Variants in IL1RL1 observed in about 807,000 individuals in gnomAD.
The protein encoded by IL1RL1 is interleukin 1 receptor like 1.
In IL1RL1, 32 loss-of-function variants were observed where a neutral mutation model predicts 50.9. The ratio of observed to expected loss-of-function variants is 0.63; its 90% CI spans 0.47 to 0.84. The LOEUF (loss-of-function observed/expected upper bound fraction) is 0.84, where lower values mean the gene tolerates loss of function less well. Among genes scored for constraint, IL1RL1 ranks in the 40% least tolerant of loss-of-function variants. IL1RL1 has a pLI of 0.00. For missense variants in IL1RL1, 773 were observed against 662.9 expected, an observed-to-expected ratio of 1.17 and a Z score of -1.82; for synonymous variants, 275 against 236.0, an observed-to-expected ratio of 1.17 and a Z score of -1.51.
At chr2:102,321,760 A>G (rs1676844877) in intron 1 of IL1RL1, among the ~76,000 whole-genome samples, 1 of 152,228 alleles carries the variant, frequency 6.6e-6, no homozygotes, top group Non-Finnish European at 1.5e-5. Flanking sequence ...ATTGTAGAAA[A>G]CACAAGTGAA....
chr2:102,312,009 ATATTAT>A lies in IL1RL1; in HGVS notation c.-150+387_-150+392del, dbSNP rs1378964367. Among the ~76,000 whole-genome samples the A allele has an allele frequency of 7.0e-4, 16 of 22,762 alleles. 1 individual carries two copies. The highest frequency in any genetic ancestry group is 2.7e-3 in the East Asian group (3 of 1,122). The allele number at this position is 22,762 out of a possible 152,430, so 14.9% of individuals were successfully genotyped here. A position where few individuals can be genotyped will look rare whatever the true frequency, so the allele number is the denominator to read the frequency against. ...TATATTATATATAATATATTTATATATATTATATATAATATATATTATATATTAAAT... is the reference window on the plus strand; with the variant it reads ...TATATTATATATAATATATTTATATAATATAATATATATTATATATTAAAT... On this transcript the variant is annotated intron_variant, in intron 1 of 10. Coordinates refer to ENST00000233954, the MANE Select transcript of IL1RL1 (RefSeq NM_016232.5).
intron 1 of IL1RL1, among the ~76,000 whole-genome samples, chr2:102,327,679 A>T (rs1677051768): frequency 6.6e-6 from 1 of 152,224 alleles, no homozygotes; most frequent in Admixed American, 6.5e-5. Flanking sequence ...CGATATCACC[A>T]CCGATCCCAC....
chr2:102,338,799 G>A (rs1677427035), intron 2 of IL1RL1, 38 bp from the exon 3 acceptor site: 1 of 1,442,570 alleles, frequency 6.9e-7, no homozygotes, highest in Non-Finnish European at 9.7e-7. Context: ...CTTTTCATTT[G>A]ATCATTTCAG....
At chr2:102,324,419 C>T (rs571156988) in intron 1 of IL1RL1, among the ~76,000 whole-genome samples, 6 of 152,190 alleles carry the variant, frequency 3.9e-5, no homozygotes, top group Non-Finnish European at 7.3e-5. Flanking sequence ...CAGCTCCCAG[C>T]GTGAGCGACA....
At chr2:102,351,202 T>C (rs1677918786) in intron 10 of IL1RL1, among the ~76,000 whole-genome samples, 2 of 152,160 alleles carry the variant, frequency 1.3e-5, no homozygotes, top group Non-Finnish European at 2.9e-5. Flanking sequence ...TAATATGTAT[T>C]CTAAGAAGAA....
chr2:102,348,127 A>G, intron 9 of IL1RL1, 36 bp downstream of exon 9: 1 of 1,556,286 alleles, frequency 6.4e-7, no homozygotes, highest in Admixed American at 1.7e-5. Context: ...TCCCAAAGAA[A>G]AAGTCCCATA....
intron 1 of IL1RL1, among the ~76,000 whole-genome samples, chr2:102,322,579 C>T (rs1676866071): frequency 6.6e-6 from 1 of 152,192 alleles, no homozygotes; most frequent in Admixed American, 6.5e-5. Context: ...GGTCTCCCGA[C>T]TTCAATACAG....
chr2:102,312,028 T>TTATATATATTTATATATAATATATAA (rs1559592302), intron 1 of IL1RL1, among the ~76,000 whole-genome samples: 8 of 49,976 alleles, frequency 1.6e-4, no homozygotes, highest in African/African-American at 6.7e-4. Context: ...ATAATATATA[T>TTATATATATTTATATATAATATATAA]TATATATTAA....
At chr2:102,345,747 G>A in intron 8 of IL1RL1, 1 of 985,412 alleles carries the variant, frequency 1.0e-6, no homozygotes, top group Non-Finnish European at 1.2e-6. Flanking sequence ...GTGCCGTAGT[G>A]TTCTGTGGGT....
intron 1 of IL1RL1, among the ~76,000 whole-genome samples, chr2:102,329,263 T>C (rs191150273): frequency 1.8e-3 from 275 of 152,214 alleles, no homozygotes; most frequent in Middle Eastern, 6.8e-3. Flanking sequence ...TAACAAAGGG[T>C]GCTGGGATAT....
chr2:102,339,248 G>A, intron 3 of IL1RL1: 1 of 529,720 alleles, frequency 1.9e-6, no homozygotes, highest in South Asian at 2.8e-5. Flanking sequence ...GAGCTATTTG[G>A]ATTTACAGTT....
Position 102,345,697 on chromosome 2 carries a change from A to G in IL1RL1, c.971-2248A>G, listed in dbSNP as rs574262047. The stretch of plus-strand genomic sequence containing the variant: ...TTAACCCCTGATTTGTAAGTTTTTC[A>G]TAAAATAAACAGAATCATAACTCAT... On this transcript the variant is annotated intron_variant, in intron 8 of 10. Coordinates refer to ENST00000233954, the MANE Select transcript of IL1RL1 (RefSeq NM_016232.5). 4.1e-5 allele frequency: 40 copies of G among 985,396 alleles called. No homozygotes were observed. The African/African-American group carries it at 6.5e-4, about 16-fold the overall frequency. The allele number at this position is 985,396 out of a possible 1,614,324, so 61.0% of individuals were successfully genotyped here.
At chr2:102,336,848 C>A (rs1036747298) in intron 1 of IL1RL1, among the ~76,000 whole-genome samples, 7 of 152,160 alleles carry the variant, frequency 4.6e-5, no homozygotes, top group East Asian at 1.9e-4. Flanking sequence ...TCTCCCCCAC[C>A]TTTGCTTTTG....
intron 1 of IL1RL1, among the ~76,000 whole-genome samples, chr2:102,330,925 AT>A (rs1677161054): frequency 6.6e-6 from 1 of 151,986 alleles, no homozygotes; most frequent in Non-Finnish European, 1.5e-5. Flanking sequence ...TTTTTATTTC[AT>A]TTTTCTGTAT....
intron 1 of IL1RL1, among the ~76,000 whole-genome samples, chr2:102,332,845 C>CA (rs373004868): frequency 0.46 from 70,067 of 151,762 alleles, 16,418 homozygotes; most frequent in Middle Eastern, 0.61. Flanking sequence ...AAATCAGAAG[C>CA]AAAAAAAGAA....
chr2:102,349,015 CAA>C lies in IL1RL1; in HGVS notation c.1118-62_1118-61del. 3 of 1,285,640 alleles carry C rather than the reference CAA, an allele frequency of 2.3e-6. No individual in the cohort carries two copies. In the South Asian group the frequency reaches 3.6e-5, roughly 16 times the overall value. The allele number at this position is 1,285,640 out of a possible 1,614,324, so 79.6% of individuals were successfully genotyped here. A position where few individuals can be genotyped will look rare whatever the true frequency, so the allele number is the denominator to read the frequency against. ...CATAAAACTTGGAGAGGAATGTCTT[CAA>C]AGAGTCCAGTGAGAATTTTTAGAAT... On this transcript the variant is annotated intron_variant, in intron 9 of 10. Transcript: ENST00000233954.
At chr2:102,341,414 C>A in intron 5 of IL1RL1, 1 of 912,288 alleles carries the variant, frequency 1.1e-6, no homozygotes. Context: ...TTTATAAAAG[C>A]TTATTTAAGG....
chr2:102,317,862 A>C (rs78498356), intron 1 of IL1RL1, among the ~76,000 whole-genome samples: 2,356 of 152,220 alleles, frequency 0.015, 68 homozygotes, highest in African/African-American at 0.054. Context: ...GGCAGACCTC[A>C]TTGAGAAAGT....
At chr2:102,349,764 T>G (rs1267364346) in intron 10 of IL1RL1, among the ~76,000 whole-genome samples, 1 of 152,186 alleles carries the variant, frequency 6.6e-6, no homozygotes, top group Non-Finnish European at 1.5e-5. Flanking sequence ...CTACCCAATT[T>G]TATATACTTT....
Sources: allele counts gnomAD v4.1 joint callset (sites outside exome capture counted in the v4.1 genomes callset), GRCh38; gene constraint gnomAD v4.1.1; transcripts MANE v1.5; gene names NCBI Gene and HGNC (gene_info 2026-07-23, HGNC 2026-07-21).